The following GRB14 variants were observed in gnomAD, a reference collection of about 807,000 sequenced individuals.
The protein encoded by GRB14 is growth factor receptor bound protein 14.
GRB14 carries 38 observed loss-of-function variants against 69.1 expected under a neutral mutation model. The observed-to-expected ratio is 0.55, with a 90% CI of 0.42 to 0.72. GRB14 has a LOEUF of 0.72. Among genes scored for constraint, GRB14 ranks in the 30% least tolerant of loss-of-function variants. The probability of loss-of-function intolerance (pLI) is 0.00; values close to 1 mark genes in which losing one functional copy is unlikely to be tolerated. For synonymous variants in GRB14, 247 were observed against 241.3 expected (o/e 1.02, Z -0.22); for missense variants, 666 against 666.1 (o/e 1.00, Z 0.00).
In GRB14 at chr2:164,619,668, A is replaced by T. The variant is rs1690395892; in HGVS notation, c.324+19T>A. 9 of 1,552,540 alleles carry T rather than the reference A, an allele frequency of 5.8e-6. No individual in the cohort carries two copies. The highest frequency in any genetic ancestry group is 7.8e-6 in the Non-Finnish European group (9 of 1,150,724). On this transcript the variant is annotated intron_variant, in intron 2 of 13. Transcript: ENST00000263915. ...AGAACTCCTAAGATTTTTGAAATTT[A>T]AAATTTAAAAATGCATACCTGTTTT...
intron 2 of GRB14, among the ~76,000 whole-genome samples, chr2:164,593,006 T>C (rs999177600): frequency 1.3e-5 from 2 of 152,230 alleles, no homozygotes; most frequent in African/African-American, 2.4e-5. Context: ...TATGAGTTAA[T>C]ACAAATTACT....
At chr2:164,530,542 C>T (rs1687902290) in intron 3 of GRB14, among the ~76,000 whole-genome samples, 1 of 151,850 alleles carries the variant, frequency 6.6e-6, no homozygotes, top group Admixed American at 6.6e-5. Flanking sequence ...TTTCCATCAG[C>T]TTATCAAGAA....
At chr2:164,523,615 T>C (rs1206909879) in intron 5 of GRB14, among the ~76,000 whole-genome samples, 1 of 152,078 alleles carries the variant, frequency 6.6e-6, no homozygotes, top group Non-Finnish European at 1.5e-5. Flanking sequence ...TTAATTGACA[T>C]GCAAAACAGG....
intron 3 of GRB14, among the ~76,000 whole-genome samples, chr2:164,536,921 C>T (rs774014860): frequency 2.0e-5 from 3 of 152,184 alleles, no homozygotes; most frequent in Admixed American, 1.3e-4. Context: ...TCATCACTAA[C>T]ACTCTTAGTG....
chr2:164,566,357 T>TA (rs1688973924), intron 2 of GRB14, among the ~76,000 whole-genome samples: 1 of 152,152 alleles, frequency 6.6e-6, no homozygotes, highest in African/African-American at 2.4e-5. Context: ...TTTTCAGAGT[T>TA]AAAATATCAG....
intron 2 of GRB14, among the ~76,000 whole-genome samples, chr2:164,592,931 T>G (rs1259017892): frequency 6.6e-6 from 1 of 152,166 alleles, no homozygotes; most frequent in East Asian, 1.9e-4. Context: ...TCTTTGTCAT[T>G]CCCCATGATA....
intron 2 of GRB14, among the ~76,000 whole-genome samples, chr2:164,618,745 T>C (rs1690369254): frequency 1.3e-5 from 2 of 152,178 alleles, no homozygotes; most frequent in Admixed American, 1.3e-4. Flanking sequence ...CACACATAGT[T>C]GAACCCATTA....
Position 164,508,779 on chromosome 2 carries a change from T to A in GRB14, c.890A>T (p.Lys297Ile), listed in dbSNP as rs751127690. ...TCCATAGTTAGTCGGTGCTCCATGT[T>A]TTTTTTTGCCTGCCAGTGACACATA... ...DIYVSLAGKKKHGAPTNYGFC... is the reference protein window; with the variant it reads ...DIYVSLAGKKIHGAPTNYGFC... Residue 297 changes from lysine (K) to isoleucine (I), a missense_variant, in exon 7 of 14, where the codon AAA becomes ATA. Coordinates refer to ENST00000263915, the MANE Select transcript of GRB14 (RefSeq NM_004490.3). 3.1e-6 allele frequency: 5 copies of A among 1,590,880 alleles called. No individual in the cohort carries two copies. Among genetic ancestry groups the A allele is most frequent in the Non-Finnish European group, 4.3e-6 (5 of 1,171,664 alleles).
chr2:164,600,725 A>G (rs550275706), intron 2 of GRB14, among the ~76,000 whole-genome samples: 2 of 152,332 alleles, frequency 1.3e-5, no homozygotes, highest in Admixed American at 1.3e-4. Flanking sequence ...CTAAGATGGA[A>G]GGATAATTAT....
intron 2 of GRB14, among the ~76,000 whole-genome samples, chr2:164,598,881 GT>G (rs1689848499): frequency 6.6e-6 from 1 of 152,164 alleles, no homozygotes. Context: ...CTTAGCCTGT[GT>G]TATGGATCTC....
At position 164,522,135 on chromosome 2, in the gene GRB14, T is replaced by C; in HGVS notation, c.679-18A>G. 6.9e-7 allele frequency: 1 copy of C among 1,451,682 alleles called. No homozygotes were observed. Among genetic ancestry groups the C allele is most frequent in the Non-Finnish European group, 9.5e-7 (1 of 1,050,910 alleles). 89.9% of individuals were successfully genotyped at this position (1,451,682 alleles called of 1,614,324 possible). On this transcript the variant is annotated intron_variant, in intron 5 of 13. Coordinates refer to ENST00000263915, the MANE Select transcript of GRB14 (RefSeq NM_004490.3). The stretch of plus-strand genomic sequence containing the variant: ...AGAAACATCTGAAAGAAAATTTATA[T>C]ATTTTCAAACTATGATTAAATCAAT...
chr2:164,557,587 T>G (rs1183446457), intron 2 of GRB14, among the ~76,000 whole-genome samples: 2 of 152,086 alleles, frequency 1.3e-5, no homozygotes, highest in African/African-American at 4.8e-5. Context: ...TTAGCCAGAT[T>G]GAGGTTGACT....
chr2:164,508,447 G>A lies in GRB14; in HGVS notation c.1023+8C>T, dbSNP rs375028086. 5.6e-6 allele frequency: 9 copies of A among 1,607,324 alleles called. No homozygotes were observed. Among genetic ancestry groups the A allele is most frequent in the Admixed American group, 5.0e-5 (3 of 59,968 alleles). The stretch of plus-strand genomic sequence containing the variant: ...GTTAATAGAAATTCATGCCTCCGGC[G>A]AGATTACCTTAAGCAATCTAATCGC... On this transcript the variant is annotated splice_region_variant and intron_variant, in intron 8 of 13. Transcript: ENST00000263915.
At chr2:164,578,549 C>CACACAG (rs1329613433) in intron 2 of GRB14, among the ~76,000 whole-genome samples, 2 of 151,556 alleles carry the variant, frequency 1.3e-5, no homozygotes, top group Non-Finnish European at 2.9e-5. Context: ...CACACACACA[C>CACACAG]ACAATATACC....
chr2:164,543,816 A>T (rs555152473), intron 3 of GRB14, among the ~76,000 whole-genome samples: 161 of 152,372 alleles, frequency 1.1e-3, no homozygotes, highest in Non-Finnish European at 1.3e-3. Flanking sequence ...ATTATAATAA[A>T]CTAAGCAAAA....
In GRB14 at chr2:164,577,367, A is replaced by C. The variant is rs374878795; in HGVS notation, c.325-29551T>G. On this transcript the variant is annotated intron_variant, in intron 2 of 13. Transcript: ENST00000263915. ...ATTCTCATGTTGAATTGTAATACCC[A>C]ATGGTTGGGGAGGGATCTGGTATGA... Among the ~76,000 whole-genome samples, 141 of 152,216 alleles carry C rather than the reference A, an allele frequency of 9.3e-4. 3 individuals carry two copies. The South Asian group carries it at 0.029, about 31-fold the overall frequency.
chr2:164,544,348 T>C (rs1036822500), intron 3 of GRB14, among the ~76,000 whole-genome samples: 6 of 152,172 alleles, frequency 3.9e-5, no homozygotes, highest in Non-Finnish European at 7.3e-5. Context: ...ACAGAGCAGA[T>C]TTTTATTACT....
At chr2:164,494,349 CCAAAAGCTTATGCATTAAGAT>C (rs1230133349) in intron 13 of GRB14, 61 bp downstream of exon 13, 20 of 752,286 alleles carry the variant, frequency 2.7e-5, no homozygotes, top group Non-Finnish European at 3.4e-5. Context: ...ACCAAAGTTT[CCAAAAGCTTATGCATTAAGAT>C]CAAAAGCTTA....
chr2:164,541,734 T>C (rs964578147), intron 3 of GRB14, among the ~76,000 whole-genome samples: 7 of 151,876 alleles, frequency 4.6e-5, no homozygotes, highest in Admixed American at 2.0e-4. Flanking sequence ...CACACACACA[T>C]ATATATATAT....
Sources: gnomAD v4.1 joint callset for allele counts (sites outside exome capture counted in the v4.1 genomes callset) on GRCh38, gnomAD v4.1.1 for gene constraint, MANE v1.5 for transcripts, NCBI Gene and HGNC (gene_info 2026-07-23, HGNC 2026-07-21) for gene names.